Variants in ANHX observed in about 807,000 individuals in gnomAD.
The protein encoded by ANHX is anomalous homeobox protein.
Under a neutral mutation model 38.9 loss-of-function variants are expected in ANHX, and 20 were observed. The observed-to-expected ratio is 0.51, with a 90% CI of 0.36 to 0.75. The LOEUF (loss-of-function observed/expected upper bound fraction) is 0.75. Among genes scored for constraint, ANHX ranks in the 30% least tolerant of loss-of-function variants. The pLI, the probability that ANHX is intolerant of heterozygous loss-of-function variation, is 0.00. For synonymous variants in ANHX, 185 were observed against 203.1 expected (o/e 0.91, Z 0.76); for missense variants, 475 against 493.1 (o/e 0.96, Z 0.35).
At position 133,218,741 on chromosome 12, in the gene ANHX, T is replaced by A. The variant is rs1240459555; in HGVS notation, c.*144A>T. On this transcript the variant is annotated 3_prime_UTR_variant, in exon 10 of 10. Transcript: ENST00000545940. ...ATTCAAACATGGCAGTGGGAAAGAA[T>A]CTCTGCTTTTCAGCAGAGCCCCCAG... 2 of 519,580 alleles carry A rather than the reference T, an allele frequency of 3.8e-6. No individual in the cohort carries two copies. The highest frequency in any genetic ancestry group is 6.5e-6 in the Non-Finnish European group (2 of 307,924). 32.2% of individuals were successfully genotyped at this position (519,580 alleles called of 1,614,324 possible).
At chr12:133,222,875 A>G (rs980675602) in intron 7 of ANHX, among the ~76,000 whole-genome samples, 3 of 152,184 alleles carry the variant, frequency 2.0e-5, no homozygotes, top group African/African-American at 7.2e-5. Flanking sequence ...ATCAGTAAAG[A>G]AGGATTGAAA....
chr12:133,234,519 C>G, intron 1 of ANHX, 141 bp from the exon 2 acceptor site: 6 of 937,614 alleles, frequency 6.4e-6, no homozygotes, highest in Non-Finnish European at 7.8e-6. Flanking sequence ...AGACCTCACA[C>G]ATCCCGAGAG....
intron 8 of ANHX, among the ~76,000 whole-genome samples, chr12:133,220,158 G>A (rs190176586): frequency 1.4e-3 from 206 of 152,222 alleles, no homozygotes; most frequent in Non-Finnish European, 2.4e-3. Flanking sequence ...TCGTGTGGAT[G>A]TGAAAGTCAC....
At chr12:133,220,443 A>C (rs753752540) in intron 8 of ANHX, among the ~76,000 whole-genome samples, 3 of 152,106 alleles carry the variant, frequency 2.0e-5, no homozygotes, top group Non-Finnish European at 4.4e-5. Context: ...TGTGGTGTAC[A>C]TTTTCTCACA....
At chr12:133,224,788 A>AC (rs1238787652) in intron 7 of ANHX, among the ~76,000 whole-genome samples, 1 of 150,546 alleles carries the variant, frequency 6.6e-6, no homozygotes, top group South Asian at 2.1e-4. Flanking sequence ...ACAGGGTGAA[A>AC]CCCCGTCTCT....
chr12:133,222,149 G>A (rs1957116599), intron 7 of ANHX, among the ~76,000 whole-genome samples: 1 of 152,264 alleles, frequency 6.6e-6, no homozygotes, highest in South Asian at 2.1e-4. Context: ...CCTCTTTCAT[G>A]CAGACCTTAC....
chr12:133,225,809 T>C lies in ANHX; in HGVS notation c.859A>G (p.Met287Val), dbSNP rs891057574. 1.3e-5 allele frequency among the ~76,000 whole-genome samples: 2 copies of C among 151,820 alleles called. No individual in the cohort carries two copies. Among genetic ancestry groups the C allele is most frequent in the African/African-American group, 4.8e-5 (2 of 41,290 alleles). The change falls in exon 7 of 10, where the codon ATG (methionine) becomes GTG (valine). Residue 287 changes from methionine (M) to valine (V), a missense_variant. Coordinates refer to ENST00000545940, the MANE Select transcript of ANHX (RefSeq NM_001372060.1). ...LDVRSLPGGE[M>V]YQEGPGHDPA... is the part of the protein sequence containing the mutation. Reference sequence around the variant, plus strand: ...TCATGGCCAGGCCCCTCCTGGTACATCTCGCCACCTGGCAGAGACCTGGGG... The same window carrying C: ...TCATGGCCAGGCCCCTCCTGGTACACCTCGCCACCTGGCAGAGACCTGGGG...
intron 3 of ANHX, among the ~76,000 whole-genome samples, chr12:133,230,092 C>G (rs1957247744): frequency 6.6e-6 from 1 of 152,242 alleles, no homozygotes; most frequent in Non-Finnish European, 1.5e-5. Flanking sequence ...CATAGCACTT[C>G]TCACTCTCTG....
rs962798598 is a variant in ANHX at position 133,226,455 on chromosome 12, G to A, written c.719-17C>T. On this transcript the variant is annotated splice_polypyrimidine_tract_variant and intron_variant, in intron 5 of 9. Transcript: ENST00000545940. ...CACGTTCCTCTGAAAGTGATGAGAT[G>A]GGAGGGGAGACTTAGTGAGGCTCTG... 6.5e-7 allele frequency: 1 copy of A among 1,527,280 alleles called. No individual in the cohort carries two copies. Among genetic ancestry groups the A allele is most frequent in the Non-Finnish European group, 8.8e-7 (1 of 1,141,116 alleles). 94.6% of individuals were successfully genotyped at this position (1,527,280 alleles called of 1,614,324 possible). A position where few individuals can be genotyped will look rare whatever the true frequency, so the allele number is the denominator to read the frequency against.
At position 133,219,703 on chromosome 12, in the gene ANHX, G is replaced by A. The variant is rs767542445; in HGVS notation, c.1281-336C>T. ...GGCACAGTCACTCAGGACAAGGGGC[G>A]GTGGTTCTTCAGCAAGGTCAACGCA... On this transcript the variant is annotated intron_variant, in intron 8 of 9. Transcript: ENST00000545940. Among the ~76,000 whole-genome samples the A allele has an allele frequency of 1.3e-4, 20 of 152,238 alleles. 1 individual carries two copies. In the Middle Eastern group the frequency reaches 0.01, roughly 78 times the overall value.
chr12:133,220,371 G>A (rs140603109), intron 8 of ANHX, among the ~76,000 whole-genome samples: 1,962 of 152,248 alleles, frequency 0.013, 39 homozygotes, highest in African/African-American at 0.045. Context: ...GGGACACCGT[G>A]GCCATGGCAG....
intron 7 of ANHX, among the ~76,000 whole-genome samples, chr12:133,224,883 C>T (rs928284297): frequency 3.4e-5 from 5 of 147,976 alleles, no homozygotes; most frequent in African/African-American, 5.0e-5. Context: ...AGGAGAATGG[C>T]GTGAACCTGG....
In ANHX at chr12:133,221,589, T is replaced by C. The variant is rs1027945796; in HGVS notation, c.1133-237A>G. Among the ~76,000 whole-genome samples, 1 of 152,188 alleles carries C rather than the reference T, an allele frequency of 6.6e-6. No homozygotes were observed. The highest frequency in any genetic ancestry group is 1.5e-5 in the Non-Finnish European group (1 of 68,032). ...CCAGAGACCAAGACACGGTTGCTTC[T>C]GCTGACTTTAAATGCTGCTGTCATC... On this transcript the variant is annotated intron_variant, in intron 7 of 9. Coordinates refer to ENST00000545940, the MANE Select transcript of ANHX (RefSeq NM_001372060.1). This position sits in a 1 kb window ranked among gnomAD's most constrained non-coding sequence, Gnocchi z 4.1.
At chr12:133,235,690 C>G (rs1263601107) in intron 1 of ANHX, 117 bp downstream of exon 1, 1 of 137,732 alleles carries the variant, frequency 7.3e-6, no homozygotes, top group Non-Finnish European at 1.6e-5. Context: ...GGACCCCCCC[C>G]GCCTGCGCGC....
chr12:133,232,045 G>A (rs553519127), intron 2 of ANHX, among the ~76,000 whole-genome samples: 1 of 151,962 alleles, frequency 6.6e-6, no homozygotes, highest in East Asian at 1.9e-4. Flanking sequence ...CTCTCTTTTG[G>A]CCAACAGCAA....
intron 4 of ANHX, 56 bp downstream of exon 4, chr12:133,227,768 G>T: frequency 6.5e-7 from 1 of 1,528,640 alleles, no homozygotes; most frequent in Non-Finnish European, 8.8e-7. Flanking sequence ...ACCCCTTGGG[G>T]GACAGGGAGG....
chr12:133,226,846 C>T (rs1190421218), intron 5 of ANHX, 90 bp downstream of exon 5: 5 of 1,234,906 alleles, frequency 4.0e-6, no homozygotes, highest in Non-Finnish European at 1.1e-6. Flanking sequence ...AGGAGGGCTA[C>T]CCCTGTAAGC....
At chr12:133,234,495 G>T in intron 1 of ANHX, 117 bp from the exon 2 acceptor site, 2 of 1,205,902 alleles carry the variant, frequency 1.7e-6, no homozygotes, top group Non-Finnish European at 2.3e-6. Context: ...GTGGACACTT[G>T]TAGAGTAGGA....
At position 133,221,281 on chromosome 12, in the gene ANHX, G is replaced by A. The variant is rs1386163786; in HGVS notation, c.1204C>T (p.Arg402Trp). The A allele has an allele frequency of 5.3e-5, 81 of 1,535,886 alleles. 1 individual carries two copies. Among genetic ancestry groups the A allele is most frequent in the Admixed American group, 9.8e-5 (5 of 50,966 alleles). Residue 402 changes from arginine to tryptophan, a missense_variant, in exon 8 of 10, where the codon CGG (arginine) becomes TGG (tryptophan). Arg to Trp is a moderately radical substitution (Grantham distance 101, BLOSUM62 -3). Transcript: ENST00000545940. The surrounding 1 kb of genome is among the most constrained non-coding windows in gnomAD (Gnocchi z 4.1). Reference sequence around the variant, plus strand: ...AAGCTGCCCACCCGTAGCTCTGTCCGTCCACTGCTTGTGCCCAGACCCTCC... The same window carrying A: ...AAGCTGCCCACCCGTAGCTCTGTCCATCCACTGCTTGTGCCCAGACCCTCC... ...LEEGLGTSSG[R>W]TELRVGSFLV...
Sources: gnomAD v4.1 joint callset for allele counts (sites outside exome capture counted in the v4.1 genomes callset) on GRCh38, gnomAD v4.1.1 for gene constraint, Gnocchi (gnomAD v3.1) non-coding constraint, MANE v1.5 for transcripts, NCBI Gene and HGNC (gene_info 2026-07-23, HGNC 2026-07-21) for gene names.